The following APOC1 variants were observed in gnomAD, a reference collection of about 807,000 sequenced individuals.
APOC1 encodes apolipoprotein C-I.
A neutral mutation model predicts 6.7 loss-of-function variants in APOC1; 4 were observed. The observed-to-expected ratio is 0.60, with a 90% CI of 0.29 to 1.37. The LOEUF is 1.37. APOC1 is among the 40% of genes most tolerant of loss of function. The pLI, the probability that APOC1 is intolerant of heterozygous loss-of-function variation, is 0.09. For missense variants in APOC1, 122 were observed against 99.4 expected (o/e 1.23, Z -0.97); for synonymous variants, 33 against 40.6 (o/e 0.81, Z 0.72).
chr19:44,914,614 T>G lies in APOC1; in HGVS notation c.-140T>G. 2.2e-6 allele frequency: 1 copy of G among 453,170 alleles called. No individual in the cohort carries two copies. The highest frequency in any genetic ancestry group is 4.0e-6 in the Non-Finnish European group (1 of 247,992). The allele number at this position is 453,170 out of a possible 1,614,324, so 28.1% of individuals were successfully genotyped here. A position where few individuals can be genotyped will look rare whatever the true frequency, so the allele number is the denominator to read the frequency against. On this transcript the variant is annotated 5_prime_UTR_variant, in exon 1 of 4. Transcript: ENST00000592535. The stretch of plus-strand genomic sequence containing the variant: ...TGGGTGGACAGAGGGAGGCAGGCGG[T>G]CAGGGGAAGGCTCAGGAGGAGGGAG...
chr19:44,916,963 C>G (rs867498907), intron 3 of APOC1, among the ~76,000 whole-genome samples: 1 of 150,066 alleles, frequency 6.7e-6, no homozygotes, highest in South Asian at 2.1e-4. Context: ...GATCCTGTCT[C>G]CATTTAAAAA....
intron 3 of APOC1, 85 bp downstream of exon 3, chr19:44,916,410 A>C: frequency 3.2e-6 from 5 of 1,563,820 alleles, no homozygotes; most frequent in Non-Finnish European, 2.6e-6. Context: ...AACAGATTGA[A>C]AAAAAAACAA....
At chr19:44,916,136 C>CAAAAAA in intron 2 of APOC1, 54 bp from the exon 3 acceptor site, 1 of 370,780 alleles carries the variant, frequency 2.7e-6, no homozygotes. Flanking sequence ...GACTCCATCT[C>CAAAAAA]CAAAAAAAAA....
chr19:44,915,574 A>T (rs1969989677), intron 2 of APOC1, among the ~76,000 whole-genome samples: 2 of 150,558 alleles, frequency 1.3e-5, no homozygotes, highest in South Asian at 4.3e-4. Flanking sequence ...CTGGGATTAC[A>T]GGCGTGAGCC....
chr19:44,916,689 G>A (rs765566484), intron 3 of APOC1, among the ~76,000 whole-genome samples: 18 of 151,118 alleles, frequency 1.2e-4, no homozygotes, highest in Non-Finnish European at 2.1e-4. Flanking sequence ...GCATGGTGGC[G>A]TGCACCTGTA....
At chr19:44,914,799 A>AG in intron 1 of APOC1, 66 bp downstream of exon 1, 5 of 1,305,378 alleles carry the variant, frequency 3.8e-6, no homozygotes, top group Non-Finnish European at 5.4e-6. Flanking sequence ...AAGGGAGATG[A>AG]GGGGATCGTG....
At chr19:44,915,599 T>C (rs901366164) in intron 2 of APOC1, among the ~76,000 whole-genome samples, 1 of 147,992 alleles carries the variant, frequency 6.8e-6, no homozygotes, top group South Asian at 2.2e-4. Flanking sequence ...CGTCCGGCCA[T>C]TCCTCCCCAT....
intron 2 of APOC1, chr19:44,915,162 T>C (rs1568621531): frequency 3.4e-6 from 2 of 593,150 alleles, no homozygotes; most frequent in Non-Finnish European, 6.0e-6. Flanking sequence ...ACCGATGACG[T>C]ATTGAGGCCC....
intron 3 of APOC1, among the ~76,000 whole-genome samples, chr19:44,917,621 CAGGGAGGGAGGGAGGAAGGA>C (rs1970032237): frequency 7.4e-6 from 1 of 134,478 alleles, no homozygotes; most frequent in Non-Finnish European, 1.6e-5. Context: ...AAAAGAAAGA[CAGGGAGGGAGGGAGGAAGGA>C]AGGGAGGGAG....
At chr19:44,918,551 T>C (rs991799624) in intron 3 of APOC1, among the ~76,000 whole-genome samples, 1 of 151,372 alleles carries the variant, frequency 6.6e-6, no homozygotes, top group African/African-American at 2.4e-5. Flanking sequence ...TAGTAGAATG[T>C]AGAATTTACT....
chr19:44,918,139 G>C (rs1445804797), intron 3 of APOC1, among the ~76,000 whole-genome samples: 1 of 136,692 alleles, frequency 7.3e-6, no homozygotes, highest in Non-Finnish European at 1.6e-5. Flanking sequence ...GTGGTGGCAG[G>C]CACCTGTAGT....
At chr19:44,917,584 A>C (rs1970031295) in intron 3 of APOC1, among the ~76,000 whole-genome samples, 1 of 151,394 alleles carries the variant, frequency 6.6e-6, no homozygotes, top group Non-Finnish European at 1.5e-5. Context: ...TCTCAACAAA[A>C]AAAGAAAAGA....
intron 2 of APOC1, 136 bp downstream of exon 2, chr19:44,915,085 G>T (rs765806814): frequency 3.3e-6 from 3 of 913,786 alleles, no homozygotes; most frequent in East Asian, 5.3e-5. Flanking sequence ...ATCGTGGTCG[G>T]GTGGGTCTCC....
chr19:44,917,690 GT>G (rs1970033599), intron 3 of APOC1, among the ~76,000 whole-genome samples: 1 of 151,548 alleles, frequency 6.6e-6, no homozygotes, highest in Non-Finnish European at 1.5e-5. Flanking sequence ...TAGAAAGATC[GT>G]TTGGAGGCCA....
At chr19:44,915,979 A>G (rs1201551064) in intron 2 of APOC1, among the ~76,000 whole-genome samples, 1 of 151,426 alleles carries the variant, frequency 6.6e-6, no homozygotes, top group Non-Finnish European at 1.5e-5. Context: ...AAAACAAAAC[A>G]AAACAAAAAT....
chr19:44,916,618 G>C (rs1408825499), intron 3 of APOC1: 1 of 513,462 alleles, frequency 1.9e-6, no homozygotes, highest in Non-Finnish European at 3.4e-6. Context: ...AGGAGTTCGA[G>C]ACCAGTCTGA....
chr19:44,915,179 C>G (rs1215019712), intron 2 of APOC1: 2 of 578,376 alleles, frequency 3.5e-6, no homozygotes, highest in African/African-American at 1.9e-5. Flanking sequence ...GCCCACACCT[C>G]TGGGATTGGC....
At chr19:44,916,140 A>AAAAAAAAAT (rs747593695) in intron 2 of APOC1, 50 bp from the exon 3 acceptor site, 3 of 1,312,062 alleles carry the variant, frequency 2.3e-6, no homozygotes, top group Non-Finnish European at 3.0e-6. Flanking sequence ...CCATCTCCAA[A>AAAAAAAAAT]AAAAAAAAAA....
In APOC1 at chr19:44,916,146, A is replaced by AAAAAAAC. The variant is rs1555791334; in HGVS notation, c.59-38_59-37insCAAAAAA. On this transcript the variant is annotated intron_variant, in intron 2 of 3. Transcript: ENST00000592535. Reference sequence around the variant, plus strand: ...AGCAAGACTCCATCTCCAAAAAAAAAAAAAAAAAAACAAATTTTGAACCCC... The same window carrying AAAAAAAC: ...AGCAAGACTCCATCTCCAAAAAAAAAAAAAAACAAAAAAAAAACAAATTTTGAACCCC... 6 of 1,503,858 alleles carry AAAAAAAC rather than the reference A, an allele frequency of 4.0e-6. No homozygotes were observed. In the African/African-American group the frequency reaches 5.9e-5, roughly 15 times the overall value. The allele number at this position is 1,503,858 out of a possible 1,614,324, so 93.2% of individuals were successfully genotyped here.
Sources: allele counts gnomAD v4.1 joint callset (sites outside exome capture counted in the v4.1 genomes callset), GRCh38; gene constraint gnomAD v4.1.1; transcripts MANE v1.5; gene names NCBI Gene and HGNC (gene_info 2026-07-23, HGNC 2026-07-21).